Variants in STK39 observed in about 807,000 individuals in gnomAD.
The protein encoded by STK39 is STE20/SPS1-related proline-alanine-rich protein kinase.
Under a neutral mutation model 77.8 loss-of-function variants are expected in STK39, and 20 were observed. That is an observed-to-expected ratio of 0.26 (90% CI 0.18 to 0.37). STK39 has a LOEUF of 0.37. STK39 is among the 10% of genes least tolerant of loss of function. The probability of loss-of-function intolerance (pLI) is 1.00; values close to 1 mark genes in which losing one functional copy is unlikely to be tolerated. For synonymous variants in STK39, 246 were observed against 234.1 expected (o/e 1.05, Z -0.47); for missense variants, 479 against 656.5 (o/e 0.73, Z 2.95).
intron 1 of STK39, among the ~76,000 whole-genome samples, chr2:168,191,939 T>C (rs975318392): frequency 1.3e-5 from 2 of 152,038 alleles, no homozygotes; most frequent in Non-Finnish European, 2.9e-5. Context: ...TATTAGACTC[T>C]ACACATTTAG....
chr2:168,159,383 T>C (rs1317747896), intron 5 of STK39, among the ~76,000 whole-genome samples: 3 of 152,090 alleles, frequency 2.0e-5, no homozygotes, highest in Non-Finnish European at 4.4e-5. Flanking sequence ...TCTCGCCTGT[T>C]TCACCCACCG....
At chr2:168,087,205 T>C (rs1686391045) in intron 10 of STK39, among the ~76,000 whole-genome samples, 1 of 152,130 alleles carries the variant, frequency 6.6e-6, no homozygotes, top group Non-Finnish European at 1.5e-5. Flanking sequence ...AGTTAAGAGT[T>C]AGCTTACCTG....
Position 168,225,510 on chromosome 2 carries a change from A to T in STK39, c.208+21718T>A, listed in dbSNP as rs111331937. Among the ~76,000 whole-genome samples, 199 of 152,274 alleles carry T rather than the reference A, an allele frequency of 1.3e-3. 3 individuals carry two copies. Among genetic ancestry groups the T allele is most frequent in the African/African-American group, 4.3e-3 (180 of 41,558 alleles). ...CCAGCAGAAAAGGCAAGACCAGACC[A>T]TATCTCAGGATTCGGGTATCATTAT... On this transcript the variant is annotated intron_variant, in intron 1 of 17. Transcript: ENST00000355999.
intron 1 of STK39, among the ~76,000 whole-genome samples, chr2:168,203,782 C>G (rs1195565666): frequency 6.6e-6 from 1 of 152,154 alleles, no homozygotes; most frequent in South Asian, 2.1e-4. Context: ...TTAGTAGAGA[C>G]GGGGTTTCAC....
chr2:167,957,777 T>G, intron 17 of STK39, among the ~76,000 whole-genome samples: 1 of 152,246 alleles, frequency 6.6e-6, no homozygotes, highest in East Asian at 1.9e-4. Flanking sequence ...GTGGTTGAAC[T>G]GACTAGAAAT....
At chr2:168,057,791 C>A (rs753130645) in intron 14 of STK39, among the ~76,000 whole-genome samples, 1 of 152,056 alleles carries the variant, frequency 6.6e-6, no homozygotes, top group Non-Finnish European at 1.5e-5. Flanking sequence ...AGAAGACTTC[C>A]AGGCAAGGTA....
chr2:168,085,379 C>T (rs564457579), intron 10 of STK39, among the ~76,000 whole-genome samples: 17 of 152,340 alleles, frequency 1.1e-4, no homozygotes, highest in African/African-American at 3.8e-4. Flanking sequence ...CCTGTGTGCT[C>T]CCGTTTTCCC....
intron 1 of STK39, among the ~76,000 whole-genome samples, chr2:168,204,011 G>C (rs908520553): frequency 6.6e-6 from 1 of 152,172 alleles, no homozygotes; most frequent in Non-Finnish European, 1.5e-5. Flanking sequence ...TCTATCTTAA[G>C]GGCCTCCAGC....
chr2:168,175,896 G>A (rs984885598), intron 2 of STK39, among the ~76,000 whole-genome samples: 3 of 152,168 alleles, frequency 2.0e-5, no homozygotes, highest in East Asian at 1.9e-4. Flanking sequence ...TAAGTGGCAA[G>A]AGACAGATGA....
intron 1 of STK39, among the ~76,000 whole-genome samples, chr2:168,239,935 C>T (rs371796516): frequency 9.8e-5 from 15 of 152,312 alleles, no homozygotes; most frequent in African/African-American, 3.1e-4. Context: ...AGAAGAGAGG[C>T]CCAGTCAGGG....
intron 10 of STK39, among the ~76,000 whole-genome samples, chr2:168,098,811 A>G (rs1686742024): frequency 6.6e-6 from 1 of 152,244 alleles, no homozygotes; most frequent in African/African-American, 2.4e-5. Context: ...CAATGTATTA[A>G]TATCATTGAC....
At chr2:167,986,761 A>C (rs531645928) in intron 16 of STK39, among the ~76,000 whole-genome samples, 1 of 152,182 alleles carries the variant, frequency 6.6e-6, no homozygotes, top group East Asian at 1.9e-4. Context: ...GTAGCTTCCT[A>C]CCCATGTAAA....
At position 168,001,269 on chromosome 2, in the gene STK39, C is replaced by CAA. The variant is rs111793533; in HGVS notation, c.1498+11363_1498+11364dup. Among the ~76,000 whole-genome samples the CAA allele has an allele frequency of 2.2e-3, 242 of 108,546 alleles. 2 individuals are homozygous for CAA. The highest frequency in any genetic ancestry group is 6.8e-3 in the African/African-American group (210 of 30,716). 71.2% of individuals were successfully genotyped at this position (108,546 alleles called of 152,430 possible). A position where few individuals can be genotyped will look rare whatever the true frequency, so the allele number is the denominator to read the frequency against. On this transcript the variant is annotated intron_variant, in intron 16 of 17. Transcript: ENST00000355999. ...ATGATGTATCAATTTGGAAACACAT[C>CAA]AAAAAAAAAAAAAAAACAACAACAA...
intron 1 of STK39, among the ~76,000 whole-genome samples, chr2:168,215,901 C>A (rs1318102234): frequency 6.6e-6 from 1 of 152,166 alleles, no homozygotes; most frequent in African/African-American, 2.4e-5. Context: ...GTGCACCTCA[C>A]CCTGCTCTCT....
At chr2:168,194,053 A>T (rs1177611542) in intron 1 of STK39, among the ~76,000 whole-genome samples, 3 of 152,208 alleles carry the variant, frequency 2.0e-5, no homozygotes, top group African/African-American at 7.2e-5. Flanking sequence ...GCCTGCAAGC[A>T]TCCAGAAGGA....
intron 16 of STK39, among the ~76,000 whole-genome samples, chr2:167,987,552 A>C (rs750661714): frequency 2.6e-5 from 4 of 152,146 alleles, no homozygotes; most frequent in Non-Finnish European, 4.4e-5. Context: ...CCAATCATTT[A>C]ATAAGACAGA....
chr2:168,080,480 A>T (rs1401416002), intron 10 of STK39, among the ~76,000 whole-genome samples: 1 of 152,124 alleles, frequency 6.6e-6, no homozygotes, highest in African/African-American at 2.4e-5. Context: ...ATACAAAAAA[A>T]TTAGCCGGGC....
chr2:168,029,763 C>A (rs371894549), intron 14 of STK39, among the ~76,000 whole-genome samples: 2 of 152,166 alleles, frequency 1.3e-5, no homozygotes, highest in Non-Finnish European at 2.9e-5. Context: ...ATAGATCTTT[C>A]CCCTTAGCTA....
intron 8 of STK39, among the ~76,000 whole-genome samples, chr2:168,134,252 C>T (rs1237400207): frequency 1.3e-5 from 2 of 152,200 alleles, no homozygotes; most frequent in African/African-American, 4.8e-5. Context: ...TAACAACATT[C>T]TCAGAAGAAA....
Sources: gnomAD v4.1 joint callset for allele counts (sites outside exome capture counted in the v4.1 genomes callset) on GRCh38, gnomAD v4.1.1 for gene constraint, MANE v1.5 for transcripts, NCBI Gene and HGNC (gene_info 2026-07-23, HGNC 2026-07-21) for gene names.